The following AHNAK2 variants were observed in gnomAD, a reference collection of about 807,000 sequenced individuals.
AHNAK2 encodes protein AHNAK2.
AHNAK2 carries 18 observed loss-of-function variants against 30.7 expected under a neutral mutation model. The observed-to-expected ratio is 0.59, with a 90% CI of 0.41 to 0.87. The LOEUF (loss-of-function observed/expected upper bound fraction) is 0.87. Ranked by LOEUF, AHNAK2 falls within the 40% of genes least tolerant of loss-of-function variation. The probability of loss-of-function intolerance (pLI) is 0.00; values close to 1 mark genes in which losing one functional copy is unlikely to be tolerated. For synonymous variants in AHNAK2, 3,590 were observed against 3,073.8 expected, an observed-to-expected ratio of 1.17 and a Z score of -5.56; for missense variants, 8,604 against 7,373.0, an observed-to-expected ratio of 1.17 and a Z score of -6.11.
chr14:104,972,138 G>A (rs1405792881), intron 1 of AHNAK2, among the ~76,000 whole-genome samples: 1 of 152,362 alleles, frequency 6.6e-6, no homozygotes, highest in South Asian at 2.1e-4. Flanking sequence ...CAAATGGGGT[G>A]GGAGAGGCCT....
In AHNAK2 at chr14:104,943,413, G is replaced by T. The variant is rs779239371; in HGVS notation, c.12038C>A (p.Ala4013Asp). The change falls in exon 7 of 7, where the codon GCC becomes GAC. Residue 4013 changes from alanine to aspartate, a missense_variant. Ala to Asp is a moderately radical substitution (Grantham distance 126). Transcript: ENST00000333244. ...SLPSMQGDLK[A>D]TDLSVQPPSA... is the part of the protein sequence containing the mutation. Reference sequence around the variant, plus strand: ...AGGGGGCTGAACGCTGAGGTCAGTGGCCTTGAGGTCCCCCTGCATGGAAGG... The same window carrying T: ...AGGGGGCTGAACGCTGAGGTCAGTGTCCTTGAGGTCCCCCTGCATGGAAGG... 8 of 1,613,118 alleles carry T rather than the reference G, an allele frequency of 5.0e-6. No individual in the cohort carries two copies. Among genetic ancestry groups the T allele is most frequent in the Non-Finnish European group, 5.9e-6 (7 of 1,179,650 alleles).
intron 1 of AHNAK2, among the ~76,000 whole-genome samples, chr14:104,976,253 C>T (rs913799841): frequency 6.6e-6 from 1 of 152,168 alleles, no homozygotes; most frequent in Non-Finnish European, 1.5e-5. Flanking sequence ...CAGTCGGCAG[C>T]GCTGCGTGGG....
At chr14:104,960,387 T>C (rs563133663) in intron 1 of AHNAK2, among the ~76,000 whole-genome samples, 2 of 152,022 alleles carry the variant, frequency 1.3e-5, no homozygotes, top group African/African-American at 4.8e-5. Flanking sequence ...ACCAGCTATT[T>C]ACATAGCATT....
rs960099150 is a variant in AHNAK2, at chr14:104,953,313, G to T, written c.2138C>A (p.Ser713Tyr). The T allele has an allele frequency of 1.2e-6, 2 of 1,612,802 alleles. No individual in the cohort carries two copies. The highest frequency in any genetic ancestry group is 1.7e-6 in the Non-Finnish European group (2 of 1,179,636). ...PKVEADVSLLSMQGDLKTTDL... is the reference protein window; with the variant it reads ...PKVEADVSLLYMQGDLKTTDL... ...AGTGGTCTTGAGGTCCCCCTGCATGGAGAGGAGGCTCACGTCGGCCTCCAC... is the reference window on the plus strand; with the variant it reads ...AGTGGTCTTGAGGTCCCCCTGCATGTAGAGGAGGCTCACGTCGGCCTCCAC... The change falls in exon 7 of 7, where the codon TCC (serine) becomes TAC (tyrosine). Residue 713 changes from serine to tyrosine, a missense_variant. Physicochemically the swap from Ser to Tyr is moderately radical, Grantham distance 144. Transcript: ENST00000333244.
rs370061695 is a variant in AHNAK2 at position 104,947,922 on chromosome 14, G to A, written c.7529C>T (p.Ala2510Val). The change falls in exon 7 of 7, where the codon GCG becomes GTG. Residue 2510 changes from alanine (A) to valine (V), a missense_variant. Ala to Val is a moderately conservative substitution (Grantham distance 64). Coordinates refer to ENST00000333244, the MANE Select transcript of AHNAK2 (RefSeq NM_138420.4). ...GCTCCCGTCGGCCTCCACCTTCGGC[G>A]CAGACACATCCACCGAGGCCTCGAT... ...KSIEASVDVS[A>V]PKVEADGSLS... 4.0e-5 allele frequency: 65 copies of A among 1,611,546 alleles called. No homozygotes were observed. The highest frequency in any genetic ancestry group is 1.6e-4 in the Middle Eastern group (1 of 6,072).
In AHNAK2 at chr14:104,952,750, G is replaced by A. The variant is rs372106923; in HGVS notation, c.2701C>T (p.Leu901Phe). The change falls in exon 7 of 7, where the codon CTT (leucine) becomes TTT (phenylalanine). Residue 901 changes from leucine to phenylalanine, a missense_variant. By Grantham distance (22) the Leu-to-Phe change is conservative (BLOSUM62 0). Transcript: ENST00000333244. Reference sequence around the variant, plus strand: ...CCCTCGGGCACAGGGCCCTCCGGAAGTTTCACATCCACTTGGCCAGCCTGG... The same window carrying A: ...CCCTCGGGCACAGGGCCCTCCGGAAATTTCACATCCACTTGGCCAGCCTGG... ...EVQAGQVDVK[L>F]PEGPVPEGAG... 3 of 1,612,622 alleles carry A rather than the reference G, an allele frequency of 1.9e-6. No individual in the cohort carries two copies. The African/African-American group carries it at 4.0e-5, about 22-fold the overall frequency.
In AHNAK2 at chr14:104,957,420, AAGTCGGCAGCCTC is replaced by A; in HGVS notation, c.190_202del (p.Glu64LeufsTer34). ...GCCCAGCAGGCTCACCTGGAGTCCA[AAGTCGGCAGCCTC>A]AGTCGTGTATTCGTAGACAGGTGAA... is the stretch of plus-strand genomic sequence containing the variant. On this transcript the variant is annotated frameshift_variant, in exon 3 of 7. Transcript: ENST00000333244. LOFTEE classifies it high-confidence loss of function. 2 of 1,586,830 alleles carry A rather than the reference AAGTCGGCAGCCTC, an allele frequency of 1.3e-6. No individual in the cohort carries two copies. Among genetic ancestry groups the A allele is most frequent in the South Asian group, 2.2e-5 (2 of 89,576 alleles).
rs1380379694 is a variant in AHNAK2, at chr14:104,948,752, T to C, written c.6699A>G (p.Lys2233=). The C allele has an allele frequency of 9.3e-6, 15 of 1,611,888 alleles. No homozygotes were observed. Among genetic ancestry groups the C allele is most frequent in the Non-Finnish European group, 1.3e-5 (15 of 1,179,566 alleles). The part of the protein sequence containing the change: ...EGPVPEEVGL[K]GHLPKLQMPS... ...GCATCTGCAGCTTGGGCAGGTGCCC[T>C]TTGAGGCCGACTTCCTCGGGCACAG... Residue 2233 remains lysine, a synonymous_variant, in exon 7 of 7, where the codon AAA becomes AAG. Coordinates refer to ENST00000333244, the MANE Select transcript of AHNAK2 (RefSeq NM_138420.4).
In AHNAK2 at chr14:104,950,075, G is replaced by A. The variant is rs187143773; in HGVS notation, c.5376C>T (p.Asp1792=). Residue 1792 remains aspartate, a synonymous_variant, in exon 7 of 7, where the codon GAC becomes GAT. Coordinates refer to ENST00000333244, the MANE Select transcript of AHNAK2 (RefSeq NM_138420.4). Reference sequence around the variant, plus strand: ...CCAGCTTGGCTCCTGGAGCCTCGACGTCCACCTCCACGCTGGGCAGAGACA... The same window carrying A: ...CCAGCTTGGCTCCTGGAGCCTCGACATCCACCTCCACGCTGGGCAGAGACA... ...VEVSLPSVEV[D]VEAPGAKLDS... The A allele has an allele frequency of 1.3e-4, 209 of 1,585,366 alleles. 28 individuals are homozygous for A. The highest frequency in any genetic ancestry group is 9.1e-4 in the African/African-American group (65 of 71,776).
At chr14:104,968,872 C>T (rs1169297762) in intron 1 of AHNAK2, among the ~76,000 whole-genome samples, 1 of 152,170 alleles carries the variant, frequency 6.6e-6, no homozygotes, top group Non-Finnish European at 1.5e-5. Context: ...CTCTGAACAC[C>T]CATGGACAGC....
chr14:104,964,904 C>G (rs916890065), intron 1 of AHNAK2, among the ~76,000 whole-genome samples: 5 of 152,166 alleles, frequency 3.3e-5, no homozygotes, highest in Admixed American at 2.6e-4. Flanking sequence ...ACTAATAAAT[C>G]TGAAAATTTC....
chr14:104,952,410 C>T lies in AHNAK2; in HGVS notation c.3041G>A (p.Gly1014Glu), dbSNP rs75352715. Residue 1014 changes from glycine to glutamate, a missense_variant, in exon 7 of 7, where the codon GGG (glycine) becomes GAG (glutamate). Coordinates refer to ENST00000333244, the MANE Select transcript of AHNAK2 (RefSeq NM_138420.4). ...ATCCACCAAGGCCTTGATGGACTTCCCTGGGGCCGATACCCCGAACGACGG... is the reference window on the plus strand; with the variant it reads ...ATCCACCAAGGCCTTGATGGACTTCTCTGGGGCCGATACCCCGAACGACGG... ...KMPSFGVSAP[G>E]KSIKALVDVS... is the part of the protein sequence containing the mutation. 206 of 1,612,730 alleles carry T rather than the reference C, an allele frequency of 1.3e-4. 5 individuals are homozygous for T. The African/African-American group carries it at 2.5e-3, about 19-fold the overall frequency.
At position 104,946,819 on chromosome 14, in the gene AHNAK2, C is replaced by T. The variant is rs1355679682; in HGVS notation, c.8632G>A (p.Asp2878Asn). 3.7e-6 allele frequency: 6 copies of T among 1,612,442 alleles called. No homozygotes were observed. The Admixed American group carries it at 6.7e-5, about 18-fold the overall frequency. Residue 2878 changes from aspartate to asparagine, a missense_variant, in exon 7 of 7, where the codon GAC becomes AAC. By Grantham distance (23) the Asp-to-Asn change is conservative. Transcript: ENST00000333244. ...AQLEVQAGQV[D>N]VKLPEGHVPE... is the part of the protein sequence containing the mutation. ...ACGTGGCCCTCTGGGAGTTTCACGT[C>T]CACCTGGCCAGCCTGGACCTCCAGT...
Position 104,947,567 on chromosome 14 carries a change from C to T in AHNAK2, c.7884G>A (p.Ala2628=), listed in dbSNP as rs183423977. The T allele has an allele frequency of 3.1e-5, 50 of 1,612,826 alleles. No homozygotes were observed. The highest frequency in any genetic ancestry group is 8.8e-5 in the South Asian group (8 of 91,022). ...CCAGGGACAGGTCCCCCTCCAGCCG[C>T]GCACCATCCAGCTTTGCTCTCGGGG... ...VQAPRAKLDG[A]RLEGDLSLAD... is the part of the protein sequence containing the mutation. Residue 2628 remains alanine, a synonymous_variant, in exon 7 of 7, where the codon GCG becomes GCA. Coordinates refer to ENST00000333244, the MANE Select transcript of AHNAK2 (RefSeq NM_138420.4).
chr14:104,946,831 C>A lies in AHNAK2; in HGVS notation c.8620G>T (p.Ala2874Ser). 1 of 1,612,638 alleles carries A rather than the reference C, an allele frequency of 6.2e-7. No homozygotes were observed. The highest frequency in any genetic ancestry group is 1.3e-5 in the African/African-American group (1 of 74,560). ...GGGAGTTTCACGTCCACCTGGCCAG[C>A]CTGGACCTCCAGTTGGGCGGAGGGG... ...QPPSAQLEVQ[A>S]GQVDVKLPEG... The change falls in exon 7 of 7, where the codon GCT (alanine) becomes TCT (serine). Residue 2874 changes from alanine to serine, a missense_variant. Coordinates refer to ENST00000333244, the MANE Select transcript of AHNAK2 (RefSeq NM_138420.4).
At position 104,945,008 on chromosome 14, in the gene AHNAK2, G is replaced by A. The variant is rs147845524; in HGVS notation, c.10443C>T (p.Pro3481=). Reference sequence around the variant, plus strand: ...TGCCTGGGGCCGACACCCCGAAGGAGGGCATCTTGAACTTGGGCATTTTGA... The same window carrying A: ...TGCCTGGGGCCGACACCCCGAAGGAAGGCATCTTGAACTTGGGCATTTTGA... ...SKFKMPKFKM[P]SFGVSAPGRS... Residue 3481 remains proline (P), a synonymous_variant, in exon 7 of 7, where the codon CCC becomes CCT. Coordinates refer to ENST00000333244, the MANE Select transcript of AHNAK2 (RefSeq NM_138420.4). 3 of 1,600,196 alleles carry A rather than the reference G, an allele frequency of 1.9e-6. No individual in the cohort carries two copies. The highest frequency in any genetic ancestry group is 3.4e-5 in the Admixed American group (2 of 59,666).
rs201911968 is a variant in AHNAK2, at chr14:104,948,903, A to G, written c.6548T>C (p.Val2183Ala). Residue 2183 changes from valine to alanine, a missense_variant, in exon 7 of 7, where the codon GTG becomes GCG. Physicochemically the swap from Val to Ala is moderately conservative, Grantham distance 64. Transcript: ENST00000333244. Reference protein sequence around the residue: ...EASVDVSPPKVEADMSLPSMQ... With the variant: ...EASVDVSPPKAEADMSLPSMQ... ...GGAGGGGAGACTCATGTCGGCCTCC[A>G]CCTTGGGTGGAGACACATCCACCGA... 2,202 of 1,601,822 alleles carry G rather than the reference A, an allele frequency of 1.4e-3. 34 individuals carry two copies. The African/African-American group carries it at 0.027, about 20-fold the overall frequency.
intron 1 of AHNAK2, among the ~76,000 whole-genome samples, chr14:104,963,505 C>A (rs1899207309): frequency 6.6e-6 from 1 of 152,092 alleles, no homozygotes; most frequent in South Asian, 2.1e-4. Context: ...ACAGAACACA[C>A]AAAAAATGAC....
At position 104,956,652 on chromosome 14, in the gene AHNAK2, C is replaced by T. The variant is rs371397406; in HGVS notation, c.251G>A (p.Arg84Gln). 51 of 1,613,758 alleles carry T rather than the reference C, an allele frequency of 3.2e-5. No homozygotes were observed. The South Asian group carries it at 4.8e-4, about 15-fold the overall frequency. Residue 84 changes from arginine (R) to glutamine (Q), a missense_variant, in exon 4 of 7, where the codon CGG becomes CAG. Arg to Gln is a conservative substitution (Grantham distance 43, BLOSUM62 1). Transcript: ENST00000333244. ...APGRQGSAGR[R>Q]RSWWKRDSGD... The stretch of plus-strand genomic sequence containing the variant: ...TGAATCTCGCTTCCACCAGGATCTC[C>T]GTCTCCCAGCAGAACCTTGCCTGCC...
Sources: allele counts gnomAD v4.1 joint callset (sites outside exome capture counted in the v4.1 genomes callset), GRCh38; gene constraint gnomAD v4.1.1; transcripts MANE v1.5; gene names NCBI Gene and HGNC (gene_info 2026-07-23, HGNC 2026-07-21).